The following PCDH15 variants were observed in gnomAD, a reference collection of about 807,000 sequenced individuals.
PCDH15 encodes the protein protocadherin-15.
PCDH15 carries 129 observed loss-of-function variants against 178.5 expected under a neutral mutation model. The ratio of observed to expected loss-of-function variants is 0.72; its 90% CI spans 0.63 to 0.84. The LOEUF is 0.84. Among genes scored for constraint, PCDH15 ranks in the 40% least tolerant of loss-of-function variants. The pLI, the probability that PCDH15 is intolerant of heterozygous loss-of-function variation, is 0.00. For missense variants in PCDH15, 2,230 were observed against 2,099.9 expected (o/e 1.06, Z -1.21); for synonymous variants, 800 against 732.0 (o/e 1.09, Z -1.50).
At chr10:54,915,212 G>A (rs1219782274) in intron 2 of PCDH15, among the ~76,000 whole-genome samples, 2 of 152,168 alleles carry the variant, frequency 1.3e-5, no homozygotes, top group Non-Finnish European at 2.9e-5. Context: ...TGAACTTTGT[G>A]TCTAAGATCT....
intron 1 of PCDH15, among the ~76,000 whole-genome samples, chr10:55,238,682 T>G (rs1189339488): frequency 4.6e-5 from 7 of 152,082 alleles, no homozygotes; most frequent in Admixed American, 2.0e-4. Flanking sequence ...TCCATTTTAT[T>G]TTTAAGTTCT....
chr10:55,027,484 T>C (rs1361060212), intron 2 of PCDH15, among the ~76,000 whole-genome samples: 1 of 151,886 alleles, frequency 6.6e-6, no homozygotes, highest in Non-Finnish European at 1.5e-5. Flanking sequence ...GCTAGAAATT[T>C]CTGTCCTATG....
intron 9 of PCDH15, among the ~76,000 whole-genome samples, chr10:54,214,462 C>G (rs1248419572): frequency 6.6e-6 from 1 of 152,014 alleles, no homozygotes; most frequent in Non-Finnish European, 1.5e-5. Flanking sequence ...TAGTGAGATG[C>G]TTGGAAATTA....
intron 7 of PCDH15, among the ~76,000 whole-genome samples, chr10:54,321,184 A>ATATT (rs3069753): frequency 0.44 from 64,821 of 145,744 alleles, 15,172 homozygotes; most frequent in Middle Eastern, 0.58. Context: ...TATTTATAAA[A>ATATT]TATTTATTTA....
chr10:54,639,586 G>C (rs1419966709), intron 2 of PCDH15, among the ~76,000 whole-genome samples: 1 of 152,066 alleles, frequency 6.6e-6, no homozygotes, highest in Non-Finnish European at 1.5e-5. Context: ...TAAGGCAATA[G>C]AACAGTTACA....
At chr10:54,921,840 A>C (rs1837497070) in intron 2 of PCDH15, among the ~76,000 whole-genome samples, 1 of 152,172 alleles carries the variant, frequency 6.6e-6, no homozygotes, top group Admixed American at 6.5e-5. Flanking sequence ...TACAGGTAGC[A>C]TCTCTGGGGA....
intron 3 of PCDH15, among the ~76,000 whole-genome samples, chr10:54,441,767 C>G (rs1486419286): frequency 1.3e-5 from 2 of 151,930 alleles, no homozygotes; most frequent in East Asian, 3.9e-4. Context: ...AGTGAGGAAA[C>G]ATAGCTTCTG....
chr10:55,395,367 A>T (rs1837902755), intron 2 of PCDH15, among the ~76,000 whole-genome samples: 1 of 152,078 alleles, frequency 6.6e-6, no homozygotes, highest in Admixed American at 6.6e-5. Context: ...TGATATTCAG[A>T]CTATTATGCA....
At chr10:54,125,315 G>C (rs147759596) in intron 15 of PCDH15, among the ~76,000 whole-genome samples, 2 of 152,198 alleles carry the variant, frequency 1.3e-5, no homozygotes, top group African/African-American at 4.8e-5. Flanking sequence ...CAAAGCATCA[G>C]AGCGAGTCAC....
chr10:54,962,756 T>C (rs1228853623), intron 2 of PCDH15, among the ~76,000 whole-genome samples: 1 of 152,134 alleles, frequency 6.6e-6, no homozygotes, highest in Non-Finnish European at 1.5e-5. Context: ...CACCCCTCTC[T>C]ACTCCACTCC....
At position 55,421,001 on chromosome 10, in the gene PCDH15, T is replaced by C. The variant is rs1466161990; in HGVS notation, c.-156+206624A>G. Among the ~76,000 whole-genome samples, 6 of 151,848 alleles carry C rather than the reference T, an allele frequency of 4.0e-5. No homozygotes were observed. In the South Asian group the frequency reaches 1.0e-3, roughly 26 times the overall value. On this transcript the variant is annotated intron_variant, in intron 2 of 5. Transcript: ENST00000613346. Reference sequence around the variant, plus strand: ...AATATAATAGGCTAGAAACTATTTATGGTAAATAGACAAAGTTTTTGAGCT... The same window carrying C: ...AATATAATAGGCTAGAAACTATTTACGGTAAATAGACAAAGTTTTTGAGCT...
intron 2 of PCDH15, among the ~76,000 whole-genome samples, chr10:54,650,538 A>G (rs2094234650): frequency 6.6e-6 from 1 of 152,156 alleles, no homozygotes; most frequent in African/African-American, 2.4e-5. Context: ...GACTATTGAT[A>G]TGATTCATAA....
intron 2 of PCDH15, among the ~76,000 whole-genome samples, chr10:55,157,125 A>G (rs1177624139): frequency 6.6e-6 from 1 of 151,454 alleles, no homozygotes; most frequent in Non-Finnish European, 1.5e-5. Context: ...CATTCTATCT[A>G]TATCTATCTA....
intron 1 of PCDH15, among the ~76,000 whole-genome samples, chr10:55,252,502 T>C (rs1195955689): frequency 6.6e-6 from 1 of 152,168 alleles, no homozygotes; most frequent in Non-Finnish European, 1.5e-5. Flanking sequence ...AGTACTTAAA[T>C]AGTTCTATAA....
chr10:54,524,951 G>A (rs1039142105), intron 3 of PCDH15, among the ~76,000 whole-genome samples: 1 of 152,194 alleles, frequency 6.6e-6, no homozygotes, highest in Non-Finnish European at 1.5e-5. Context: ...AGCCCAGGAT[G>A]AGAAAGAAGT....
chr10:54,935,740 T>G (rs983946074), intron 2 of PCDH15, among the ~76,000 whole-genome samples: 12 of 152,232 alleles, frequency 7.9e-5, no homozygotes, highest in African/African-American at 2.6e-4. Context: ...ACATAATTCC[T>G]TTCTATTATT....
At chr10:53,944,071 A>C (rs1169764541) in intron 23 of PCDH15, among the ~76,000 whole-genome samples, 2 of 152,184 alleles carry the variant, frequency 1.3e-5, no homozygotes, top group Non-Finnish European at 2.9e-5. Context: ...GAAGGTAGGA[A>C]CATAACCAAA....
intron 36 of PCDH15, among the ~76,000 whole-genome samples, chr10:53,811,254 G>A (rs1588882602): frequency 6.6e-6 from 1 of 152,170 alleles, no homozygotes; most frequent in Non-Finnish European, 1.5e-5. Flanking sequence ...GTGAATTTAG[G>A]AATTGAGCAA....
rs1171713250 is a variant in PCDH15 at position 53,846,146 on chromosome 10, A to G, written c.3807-5650T>C. On this transcript the variant is annotated intron_variant, in intron 28 of 37. Transcript: ENST00000644397. Reference sequence around the variant, plus strand: ...ATTTAAAATGCAAATAGTACAATCAAGTATGAAGCAAAACAGTATCTGATT... The same window carrying G: ...ATTTAAAATGCAAATAGTACAATCAGGTATGAAGCAAAACAGTATCTGATT... Among the ~76,000 whole-genome samples the G allele has an allele frequency of 2.0e-5, 3 of 151,904 alleles. No individual in the cohort carries two copies. The East Asian group carries it at 5.8e-4, about 29-fold the overall frequency.
Sources: allele counts gnomAD v4.1 joint callset (sites outside exome capture counted in the v4.1 genomes callset), GRCh38; gene constraint gnomAD v4.1.1; transcripts MANE v1.5; gene names NCBI Gene and HGNC (gene_info 2026-07-23, HGNC 2026-07-21).